The following GYPB variants were observed in gnomAD, a reference collection of about 807,000 sequenced individuals.
The protein encoded by GYPB is glycophorin B (MNS blood group).
A neutral mutation model predicts 15.3 loss-of-function variants in GYPB; 13 were observed. The ratio of observed to expected loss-of-function variants is 0.85; its 90% CI spans 0.55 to 1.35. GYPB has a LOEUF of 1.35. Among genes scored for constraint, GYPB ranks in the 40% most tolerant of loss-of-function variants. The pLI, the probability that GYPB is intolerant of heterozygous loss-of-function variation, is 0.00. For missense variants in GYPB, 131 were observed against 108.3 expected (o/e 1.21, Z -0.93); for synonymous variants, 38 against 36.9 (o/e 1.03, Z -0.11).
At chr4:144,016,885 C>T (rs1278004458) in intron 1 of GYPB, 22 of 354,396 alleles carry the variant, frequency 6.2e-5, no homozygotes, top group South Asian at 5.0e-4. Flanking sequence ...GCTCCATCTC[C>T]TTGTTCCACG....
At chr4:143,996,640 C>A (rs187565862) in intron 4 of GYPB, among the ~76,000 whole-genome samples, 15 of 150,290 alleles carry the variant, frequency 1.0e-4, no homozygotes, top group Middle Eastern at 3.4e-3. Flanking sequence ...CATGGTAGCC[C>A]GCACCTGTAG....
chr4:144,016,081 G>A lies in GYPB; in HGVS notation c.37+3170C>T, dbSNP rs1197179752. 3.2e-5 allele frequency among the ~76,000 whole-genome samples: 4 copies of A among 125,946 alleles called. 1 individual carries two copies. The highest frequency in any genetic ancestry group is 1.2e-4 in the African/African-American group (4 of 32,148). 82.6% of individuals were successfully genotyped at this position (125,946 alleles called of 152,430 possible). A position where few individuals can be genotyped will look rare whatever the true frequency, so the allele number is the denominator to read the frequency against. On this transcript the variant is annotated intron_variant, in intron 1 of 4. Transcript: ENST00000502664. ...ATGTATTCCCTGGCATACAGTTCCT[G>A]TAACTCTTTCCTGTACCAATTAAAT...
Position 144,019,031 on chromosome 4 carries a change from A to C in GYPB, c.37+220T>G, listed in dbSNP as rs572867090. ...GACTTAGAATTGAAGTAAGCTTCTC[A>C]TACTAGAAAACTGGATTCGGCCATA... is the stretch of plus-strand genomic sequence containing the variant. On this transcript the variant is annotated intron_variant, in intron 1 of 4. Coordinates refer to ENST00000502664, the MANE Select transcript of GYPB (RefSeq NM_002100.6). Among the ~76,000 whole-genome samples the C allele has an allele frequency of 4.6e-5, 7 of 151,428 alleles. No individual in the cohort carries two copies. In the South Asian group the frequency reaches 1.5e-3, roughly 31 times the overall value.
Position 144,004,558 on chromosome 4 carries a change from A to G in GYPB, c.38-3275T>C, listed in dbSNP as rs139370401. On this transcript the variant is annotated intron_variant, in intron 1 of 4. Transcript: ENST00000502664. ...ATAGAATCACATGGGGGCAATTTAAAGAATTTCATCAATACCTTCAAATTA... is the reference window on the plus strand; with the variant it reads ...ATAGAATCACATGGGGGCAATTTAAGGAATTTCATCAATACCTTCAAATTA... 6.9e-3 allele frequency among the ~76,000 whole-genome samples: 1,044 copies of G among 151,674 alleles called. 50 individuals are homozygous for G. Among genetic ancestry groups the G allele is most frequent in the African/African-American group, 0.024 (981 of 40,936 alleles).
intron 3 of GYPB, among the ~76,000 whole-genome samples, chr4:143,998,252 A>G (rs1317441655): frequency 2.0e-5 from 3 of 151,486 alleles, no homozygotes; most frequent in Non-Finnish European, 4.4e-5. Flanking sequence ...AATGCTTGTT[A>G]AGTCATTTAT....
At chr4:144,012,021 G>A (rs936434931) in intron 1 of GYPB, among the ~76,000 whole-genome samples, 4 of 152,106 alleles carry the variant, frequency 2.6e-5, no homozygotes, top group African/African-American at 9.7e-5. Context: ...TGGGAAATAA[G>A]TGATAACATC....
At chr4:144,005,938 C>T (rs1165440263) in intron 1 of GYPB, among the ~76,000 whole-genome samples, 1 of 151,470 alleles carries the variant, frequency 6.6e-6, no homozygotes, top group East Asian at 1.9e-4. Context: ...GGGAGTATAA[C>T]ATGCATTGAT....
At chr4:144,006,640 G>A (rs188373252) in intron 1 of GYPB, among the ~76,000 whole-genome samples, 321 of 151,944 alleles carry the variant, frequency 2.1e-3, no homozygotes, top group Admixed American at 0.018. Flanking sequence ...TTGAGTTTTG[G>A]TTCGCTCCTG....
intron 1 of GYPB, chr4:144,016,836 T>C (rs1218075094): frequency 4.5e-6 from 2 of 440,864 alleles, no homozygotes; most frequent in East Asian, 7.1e-5. Context: ...TGCTCTTCCC[T>C]CTGCCTTCTG....
At chr4:143,999,724 A>G (rs1349331944) in intron 2 of GYPB, among the ~76,000 whole-genome samples, 1 of 151,518 alleles carries the variant, frequency 6.6e-6, no homozygotes, top group Non-Finnish European at 1.5e-5. Context: ...ATGAGAAAGT[A>G]TTGGAAGAAT....
chr4:143,998,307 T>A lies in GYPB; in HGVS notation c.176-673A>T, dbSNP rs537068282. On this transcript the variant is annotated intron_variant, in intron 3 of 4. Coordinates refer to ENST00000502664, the MANE Select transcript of GYPB (RefSeq NM_002100.6). ...TGAAATCAATTAAGTAAGAGATATTTCCATATTTATAGCATATTTGTAGTA... is the reference window on the plus strand; with the variant it reads ...TGAAATCAATTAAGTAAGAGATATTACCATATTTATAGCATATTTGTAGTA... Among the ~76,000 whole-genome samples, 60 of 151,650 alleles carry A rather than the reference T, an allele frequency of 4.0e-4. 1 individual carries two copies. The South Asian group carries it at 0.012, about 30-fold the overall frequency.
At chr4:144,006,669 C>G (rs555590458) in intron 1 of GYPB, among the ~76,000 whole-genome samples, 2 of 152,100 alleles carry the variant, frequency 1.3e-5, no homozygotes, top group Admixed American at 1.3e-4. Flanking sequence ...CTGAAAGAAG[C>G]CTTATCTTGC....
At chr4:144,001,066 A>C (rs1727594744) in intron 2 of GYPB, 119 bp downstream of exon 2, 1 of 1,530,522 alleles carries the variant, frequency 6.5e-7, no homozygotes, top group Non-Finnish European at 8.9e-7. Context: ...GGCTGTGTCT[A>C]CTTAGCTCGC....
chr4:144,013,743 G>A (rs1243607989), intron 1 of GYPB, among the ~76,000 whole-genome samples: 1 of 143,408 alleles, frequency 7.0e-6, no homozygotes, highest in Non-Finnish European at 1.5e-5. Context: ...CACAGGAAGG[G>A]GAATATTACA....
chr4:144,011,806 C>T (rs1316487775), intron 1 of GYPB, among the ~76,000 whole-genome samples: 1 of 151,262 alleles, frequency 6.6e-6, no homozygotes, highest in African/African-American at 2.5e-5. Context: ...TCTGTATTTC[C>T]TGATACAATG....
At chr4:144,014,868 T>A (rs1424861284) in intron 1 of GYPB, among the ~76,000 whole-genome samples, 1 of 151,572 alleles carries the variant, frequency 6.6e-6, no homozygotes, top group Non-Finnish European at 1.5e-5. Context: ...TATATCAGTG[T>A]TGGTTATTAT....
chr4:143,995,919 T>C (rs1003373659), downstream of GYPB, among the ~76,000 whole-genome samples: 3 of 151,346 alleles, frequency 2.0e-5, no homozygotes, highest in African/African-American at 7.4e-5. Context: ...ATATTTCACA[T>C]GAGACTTCAT....
chr4:143,996,881 CA>C (rs1727342990), intron 4 of GYPB, among the ~76,000 whole-genome samples: 1 of 74,426 alleles, frequency 1.3e-5, no homozygotes, highest in South Asian at 4.0e-4. Context: ...TTAAGAAAGG[CA>C]AAAGTTTTAT....
intron 1 of GYPB, among the ~76,000 whole-genome samples, chr4:144,015,136 T>A (rs1486151561): frequency 1.3e-5 from 2 of 151,500 alleles, no homozygotes; most frequent in Non-Finnish European, 2.9e-5. Context: ...ATTGTGTTTG[T>A]TTGGTTTACT....
Sources: gnomAD v4.1 joint callset for allele counts (sites outside exome capture counted in the v4.1 genomes callset) on GRCh38, gnomAD v4.1.1 for gene constraint, MANE v1.5 for transcripts, NCBI Gene and HGNC (gene_info 2026-07-23, HGNC 2026-07-21) for gene names.